Variants in GOLGA5 observed in about 807,000 individuals in gnomAD.
GOLGA5 encodes the protein golgin A5.
GOLGA5 carries 50 observed loss-of-function variants against 93.5 expected under a neutral mutation model. The observed-to-expected ratio is 0.53, with a 90% CI of 0.43 to 0.68. GOLGA5 has a LOEUF of 0.68. Ranked by LOEUF, GOLGA5 falls within the 30% of genes least tolerant of loss-of-function variation. GOLGA5 has a pLI of 0.00. For synonymous variants in GOLGA5, 312 were observed against 304.5 expected (o/e 1.02, Z -0.26); for missense variants, 760 against 856.4 (o/e 0.89, Z 1.40).
intron 1 of GOLGA5, among the ~76,000 whole-genome samples, chr14:92,796,289 G>A (rs1884724619): frequency 6.6e-6 from 1 of 152,178 alleles, no homozygotes. Context: ...TTGCTGTTTG[G>A]ATGTTGTTTT....
chr14:92,833,225 TCA>T lies in GOLGA5; in HGVS notation c.1824_1825del (p.Ser609HisfsTer24). On this transcript the variant is annotated frameshift_variant, in exon 10 of 13. Transcript: ENST00000163416. LOFTEE classifies it high-confidence loss of function. The stretch of plus-strand genomic sequence containing the variant: ...CAGAAACAGACCATGCTGGAGAGTC[TCA>T]GCACAGAAAAGAACTCCCTGGTCTT... The T allele has an allele frequency of 6.2e-7, 1 of 1,612,718 alleles. No individual in the cohort carries two copies. Among genetic ancestry groups the T allele is most frequent in the Non-Finnish European group, 8.5e-7 (1 of 1,178,732 alleles).
chr14:92,814,318 G>T (rs1461903279), intron 6 of GOLGA5, among the ~76,000 whole-genome samples: 1 of 152,164 alleles, frequency 6.6e-6, no homozygotes, highest in Admixed American at 6.5e-5. Flanking sequence ...GGAGACTGAT[G>T]CCATCCAATG....
chr14:92,834,496 GT>G (rs1885599138), intron 10 of GOLGA5, among the ~76,000 whole-genome samples: 1 of 152,148 alleles, frequency 6.6e-6, no homozygotes, highest in Non-Finnish European at 1.5e-5. Context: ...AGGTAAGATA[GT>G]GAACAATGAG....
rs149298186 is a variant in GOLGA5 at position 92,799,006 on chromosome 14, G to A, written c.544+1025G>A. ...TTTTGAGACAGGGTCTTGCTCTATC[G>A]CCGAGGCTTAAGTGCCGTGATGCTA... is the stretch of plus-strand genomic sequence containing the variant. On this transcript the variant is annotated intron_variant, in intron 2 of 12. Coordinates refer to ENST00000163416, the MANE Select transcript of GOLGA5 (RefSeq NM_005113.4). Among the ~76,000 whole-genome samples the A allele has an allele frequency of 5.9e-5, 9 of 152,140 alleles. No homozygotes were observed. In the South Asian group the frequency reaches 8.3e-4, roughly 14 times the overall value.
chr14:92,819,737 A>G lies in GOLGA5; in HGVS notation c.1521A>G (p.Ala507=). 3 of 1,613,894 alleles carry G rather than the reference A, an allele frequency of 1.9e-6. No individual in the cohort carries two copies. Among genetic ancestry groups the G allele is most frequent in the Non-Finnish European group, 1.7e-6 (2 of 1,179,742 alleles). Residue 507 remains alanine (A), a synonymous_variant, in exon 8 of 13, where the codon GCA becomes GCG. Coordinates refer to ENST00000163416, the MANE Select transcript of GOLGA5 (RefSeq NM_005113.4). The stretch of plus-strand genomic sequence containing the variant: ...TGGAGGCACAGCAAGTTAATGAAGC[A>G]GAATCAGCAAGAGAACAGTTACAGG... The part of the protein sequence containing the change: ...QDMEAQQVNE[A]ESAREQLQDL...
chr14:92,830,617 G>GAGAC (rs1456006128), intron 9 of GOLGA5, among the ~76,000 whole-genome samples: 1 of 151,990 alleles, frequency 6.6e-6, no homozygotes, highest in Non-Finnish European at 1.5e-5. Flanking sequence ...TTGTTTTTGG[G>GAGAC]AGACAGGATA....
At chr14:92,799,840 C>T (rs991540062) in intron 2 of GOLGA5, among the ~76,000 whole-genome samples, 2 of 152,002 alleles carry the variant, frequency 1.3e-5, no homozygotes, top group African/African-American at 4.8e-5. Flanking sequence ...CTCCGGACCT[C>T]AAGTCATCTG....
Position 92,810,355 on chromosome 14 carries a change from A to G in GOLGA5, c.1094A>G (p.Gln365Arg). Residue 365 changes from glutamine to arginine, a missense_variant, in exon 5 of 13, where the codon CAG becomes CGG. Transcript: ENST00000163416. The part of the protein sequence containing the change: ...HEADATLKRE[Q>R]ESYKQMQSEF... ...GCGGATGCCACTCTGAAGAGAGAGC[A>G]GGAGAGCTATAAACAGATGCAGGTT... The G allele has an allele frequency of 6.2e-7, 1 of 1,604,464 alleles. No homozygotes were observed. Among genetic ancestry groups the G allele is most frequent in the Non-Finnish European group, 8.5e-7 (1 of 1,176,708 alleles).
chr14:92,810,557 T>C, intron 5 of GOLGA5, 180 bp downstream of exon 5: 1 of 413,836 alleles, frequency 2.4e-6, no homozygotes, highest in Non-Finnish European at 4.3e-6. Context: ...ATGTATTTAA[T>C]TTTATGTGTT....
rs760775397 is a variant in GOLGA5, at chr14:92,806,812, C to T, written c.621C>T (p.Ala207=). Residue 207 remains alanine, a synonymous_variant, in exon 3 of 13, where the codon GCC becomes GCT. Coordinates refer to ENST00000163416, the MANE Select transcript of GOLGA5 (RefSeq NM_005113.4). ...AGGAAAATGTGTCATCAAATGCTGC[C>T]TGCCCTGACCACACCCCAACACCTA... ...SSKENVSSNA[A]CPDHTPTPND... 17 of 1,613,636 alleles carry T rather than the reference C, an allele frequency of 1.1e-5. No individual in the cohort carries two copies. The South Asian group carries it at 1.8e-4, about 17-fold the overall frequency.
rs1385636489 is a variant in GOLGA5 at position 92,806,847 on chromosome 14, G to A, written c.656G>A (p.Gly219Asp). Residue 219 changes from glycine (G) to aspartate (D), a missense_variant, in exon 3 of 13, where the codon GGC becomes GAC. Physicochemically the swap from Gly to Asp is moderately conservative, Grantham distance 94 (BLOSUM62 -1). Coordinates refer to ENST00000163416, the MANE Select transcript of GOLGA5 (RefSeq NM_005113.4). The stretch of plus-strand genomic sequence containing the variant: ...CACACCCCAACACCTAATGATGATG[G>A]CAAATCACATGAACTGTCTAACCTT... ...PDHTPTPNDD[G>D]KSHELSNLRL... 16 of 1,613,106 alleles carry A rather than the reference G, an allele frequency of 9.9e-6. No individual in the cohort carries two copies. The highest frequency in any genetic ancestry group is 1.3e-5 in the African/African-American group (1 of 74,858).
chr14:92,803,708 G>A (rs1002182034), intron 2 of GOLGA5, among the ~76,000 whole-genome samples: 2 of 152,066 alleles, frequency 1.3e-5, no homozygotes, highest in Non-Finnish European at 2.9e-5. Flanking sequence ...AACTTTCAAC[G>A]CAACCAAACA....
intron 4 of GOLGA5, among the ~76,000 whole-genome samples, chr14:92,810,024 T>C (rs943547388): frequency 2.6e-5 from 4 of 152,226 alleles, no homozygotes; most frequent in Non-Finnish European, 2.9e-5. Context: ...AAATTCTGAA[T>C]TTAAAAGCAT....
chr14:92,803,019 A>T (rs1884907376), intron 2 of GOLGA5, among the ~76,000 whole-genome samples: 1 of 151,878 alleles, frequency 6.6e-6, no homozygotes, highest in African/African-American at 2.4e-5. Flanking sequence ...TATTTAGTTA[A>T]TTTAATTTTT....
At chr14:92,834,332 CCTAATA>C (rs894076328) in intron 10 of GOLGA5, among the ~76,000 whole-genome samples, 15 of 152,152 alleles carry the variant, frequency 9.9e-5, no homozygotes, top group African/African-American at 3.4e-4. Context: ...AGGTCTATCT[CCTAATA>C]CTATCCCTCC....
intron 9 of GOLGA5, 61 bp downstream of exon 9, chr14:92,824,705 A>G: frequency 1.2e-6 from 1 of 866,196 alleles, no homozygotes; most frequent in Non-Finnish European, 1.9e-6. Context: ...ATTTTTTTAA[A>G]AAGGACACAG....
intron 10 of GOLGA5, among the ~76,000 whole-genome samples, chr14:92,834,720 G>A (rs1885604116): frequency 5.3e-5 from 8 of 152,214 alleles, no homozygotes. Flanking sequence ...GAGGTAGGAA[G>A]CCATTGAAGG....
intron 8 of GOLGA5, among the ~76,000 whole-genome samples, chr14:92,820,380 A>G (rs551208701): frequency 6.6e-6 from 1 of 152,376 alleles, no homozygotes; most frequent in African/African-American, 2.4e-5. Flanking sequence ...ATTGCTGCCA[A>G]CATGTCTCGC....
chr14:92,816,872 GTTTC>G lies in GOLGA5; in HGVS notation c.1491+468_1491+471del, dbSNP rs34176729. Among the ~76,000 whole-genome samples the G allele has an allele frequency of 3.2e-4, 48 of 152,186 alleles. 1 individual carries two copies. The highest frequency in any genetic ancestry group is 2.1e-3 in the East Asian group (11 of 5,164). ...AGCCCGTGCTGGGCTAAAGCAGTAG[GTTTC>G]TTTCTTTCTTTCTTTCCTTTCTTTC... On this transcript the variant is annotated intron_variant, in intron 7 of 12. Transcript: ENST00000163416.
Sources: gnomAD v4.1 joint callset for allele counts (sites outside exome capture counted in the v4.1 genomes callset) on GRCh38, gnomAD v4.1.1 for gene constraint, MANE v1.5 for transcripts, NCBI Gene and HGNC (gene_info 2026-07-23, HGNC 2026-07-21) for gene names.